NCKAP5: variants seen among roughly 807,000 people sequenced by gnomAD.
NCKAP5 encodes NCK associated protein 5, also known as nck-associated protein 5.
In NCKAP5, 92 loss-of-function variants were observed where a neutral mutation model predicts 167.0. That is an observed-to-expected ratio of 0.55 (90% CI 0.47 to 0.66). NCKAP5 has a LOEUF of 0.66. Ranked by LOEUF, NCKAP5 falls within the 30% of genes least tolerant of loss-of-function variation. The probability of loss-of-function intolerance (pLI) is 0.00; values close to 1 mark genes in which losing one functional copy is unlikely to be tolerated. For synonymous variants in NCKAP5, 891 were observed against 877.4 expected, an observed-to-expected ratio of 1.02 and a Z score of -0.27; for missense variants, 2,378 against 2,315.0, an observed-to-expected ratio of 1.03 and a Z score of -0.56.
chr2:132,795,820 G>GAAAAAAAAAAAAAAAAAAAAAAAA (rs55826486), intron 12 of NCKAP5, among the ~76,000 whole-genome samples: 1 of 85,010 alleles, frequency 1.2e-5, no homozygotes, highest in Non-Finnish European at 2.6e-5. Context: ...CCCCGTATCA[G>GAAAAAAAAAAAAAAAAAAAAAAAA]AAAAAAAAAA....
At chr2:133,193,712 G>GA (rs2085324390) in intron 5 of NCKAP5, among the ~76,000 whole-genome samples, 1 of 152,036 alleles carries the variant, frequency 6.6e-6, no homozygotes, top group African/African-American at 2.4e-5. Flanking sequence ...GAAGCTCTGA[G>GA]GAGTCTTGGT....
chr2:132,811,905 G>A (rs974543361), intron 11 of NCKAP5, among the ~76,000 whole-genome samples: 2 of 152,186 alleles, frequency 1.3e-5, no homozygotes, highest in Non-Finnish European at 2.9e-5. Context: ...GTGCCAGGCA[G>A]GAAGGGGCTG....
intron 3 of NCKAP5, among the ~76,000 whole-genome samples, chr2:133,409,352 C>T (rs902483123): frequency 2.6e-5 from 4 of 152,192 alleles, no homozygotes; most frequent in Admixed American, 6.5e-5. Flanking sequence ...TAGAAGCAGA[C>T]GCTAAACATC....
At chr2:132,705,862 G>C (rs1438961430) in intron 19 of NCKAP5, among the ~76,000 whole-genome samples, 3 of 152,150 alleles carry the variant, frequency 2.0e-5, no homozygotes, top group Non-Finnish European at 1.5e-5. Flanking sequence ...TGTTTTTACA[G>C]AATGGCAGAA....
intron 16 of NCKAP5, among the ~76,000 whole-genome samples, chr2:132,766,495 T>C (rs1279709417): frequency 6.6e-6 from 1 of 152,100 alleles, no homozygotes; most frequent in African/African-American, 2.4e-5. Context: ...CTACTGGTAG[T>C]AATGGTTAGA....
chr2:133,613,306 A>ACTT, the NCKAP5 span, among the ~76,000 whole-genome samples: 18 of 152,198 alleles, frequency 1.2e-4, no homozygotes, highest in Non-Finnish European at 1.2e-4. Context: ...GTACTTTATA[A>ACTT]CAGAAAACAA....
At chr2:133,558,569 C>T (rs919107920) in intron 2 of NCKAP5, among the ~76,000 whole-genome samples, 4 of 151,878 alleles carry the variant, frequency 2.6e-5, no homozygotes, top group Admixed American at 6.6e-5. Flanking sequence ...CTTCTGACTC[C>T]GTTACCTGCT....
chr2:132,732,028 A>G lies in NCKAP5; in HGVS notation c.5152T>C (p.Leu1718=), dbSNP rs56284623. Residue 1718 remains leucine, a synonymous_variant, in exon 17 of 20, where the codon TTG becomes CTG. Coordinates refer to ENST00000409261, the MANE Select transcript of NCKAP5 (RefSeq NM_207363.3). ...GGAAAGGTTCCGATCCCACTGTCCA[A>G]TGTTCTCATCTGGCAGTTGGATTCT... ...IIESNCQMRT[L]DSGIGTFPLP... is the part of the protein sequence containing the mutation. 411,281 of 1,612,106 alleles carry G rather than the reference A, an allele frequency of 0.26. 55,574 individuals carry two copies. The highest frequency in any genetic ancestry group is 0.28 in the Non-Finnish European group (328,443 of 1,178,654).
chr2:133,629,989 G>A, the NCKAP5 span, among the ~76,000 whole-genome samples: 2 of 151,990 alleles, frequency 1.3e-5, no homozygotes, highest in Middle Eastern at 3.2e-3. Context: ...CGAGGGGGTG[G>A]GAGGTGAGGA....
intron 2 of NCKAP5, among the ~76,000 whole-genome samples, 186 bp from the exon 3 acceptor site, chr2:133,517,773 C>T (rs773798797): frequency 8.5e-5 from 13 of 152,154 alleles, no homozygotes; most frequent in East Asian, 1.9e-4. Context: ...GTCTTTATGG[C>T]GGCCCCTGTG....
intron 4 of NCKAP5, among the ~76,000 whole-genome samples, chr2:133,259,377 T>G (rs1015726691): frequency 2.0e-5 from 3 of 152,214 alleles, no homozygotes; most frequent in Admixed American, 2.0e-4. Flanking sequence ...ATAACTAACT[T>G]ATAACTAATT....
At chr2:133,666,155 A>C in the NCKAP5 span, among the ~76,000 whole-genome samples, 2 of 147,034 alleles carry the variant, frequency 1.4e-5, no homozygotes, top group Non-Finnish European at 3.0e-5. Context: ...ACTATATCAT[A>C]GTCATTATTT....
chr2:132,929,583 A>G (rs955624396), intron 8 of NCKAP5, among the ~76,000 whole-genome samples: 15 of 152,244 alleles, frequency 9.9e-5, no homozygotes, highest in African/African-American at 3.6e-4. Flanking sequence ...ACAGAGTTGA[A>G]TAAAGCCACA....
chr2:133,557,525 A>G (rs571130395), intron 2 of NCKAP5, among the ~76,000 whole-genome samples: 2 of 152,360 alleles, frequency 1.3e-5, no homozygotes, highest in African/African-American at 4.8e-5. Flanking sequence ...GAGTCTGCAG[A>G]TTCTTACCAA....
intron 3 of NCKAP5, among the ~76,000 whole-genome samples, chr2:133,303,730 A>G (rs1680573060): frequency 6.6e-6 from 1 of 151,926 alleles, no homozygotes. Flanking sequence ...GTATATGTAA[A>G]TTTATTTCTC....
intron 6 of NCKAP5, among the ~76,000 whole-genome samples, chr2:133,026,763 A>C (rs2078712094): frequency 6.6e-6 from 1 of 152,152 alleles, no homozygotes; most frequent in Admixed American, 6.5e-5. Flanking sequence ...CCTCTCTTAC[A>C]TGCTAATTTG....
intron 3 of NCKAP5, among the ~76,000 whole-genome samples, chr2:133,393,722 T>C (rs1036545662): frequency 6.6e-6 from 1 of 152,246 alleles, no homozygotes; most frequent in Non-Finnish European, 1.5e-5. Flanking sequence ...AATAAACAAC[T>C]ATCTTCGCCC....
chr2:132,980,647 A>C (rs2077107009), intron 7 of NCKAP5, among the ~76,000 whole-genome samples: 1 of 152,132 alleles, frequency 6.6e-6, no homozygotes, highest in South Asian at 2.1e-4. Flanking sequence ...TTTCTATTTC[A>C]AAAGGTTAAT....
intron 3 of NCKAP5, among the ~76,000 whole-genome samples, chr2:133,375,062 G>A (rs1686053936): frequency 6.6e-6 from 1 of 152,204 alleles, no homozygotes; most frequent in Non-Finnish European, 1.5e-5. Flanking sequence ...AAGCCCTGCA[G>A]AAGATGGTGG....
Sources: gnomAD v4.1 joint callset for allele counts (sites outside exome capture counted in the v4.1 genomes callset) on GRCh38, gnomAD v4.1.1 for gene constraint, MANE v1.5 for transcripts, NCBI Gene and HGNC (gene_info 2026-07-23, HGNC 2026-07-21) for gene names.